The following GALNT16 variants were observed in gnomAD, a reference collection of about 807,000 sequenced individuals.
GALNT16 encodes the protein UDP-GalNAc:polypeptide N-acetylgalactosaminyltransferase-like protein 1.
Under a neutral mutation model 76.1 loss-of-function variants are expected in GALNT16, and 40 were observed. The ratio of observed to expected loss-of-function variants is 0.53; its 90% CI spans 0.41 to 0.68. GALNT16 has a LOEUF of 0.68. GALNT16 is among the 30% of genes least tolerant of loss of function. The pLI, the probability that GALNT16 is intolerant of heterozygous loss-of-function variation, is 0.00. For synonymous variants in GALNT16, 276 were observed against 285.2 expected, an observed-to-expected ratio of 0.97 and a Z score of 0.32; for missense variants, 621 against 731.9, an observed-to-expected ratio of 0.85 and a Z score of 1.75.
chr14:69,359,844 G>A (rs2045713486), downstream of GALNT16, among the ~76,000 whole-genome samples: 1 of 151,854 alleles, frequency 6.6e-6, no homozygotes, highest in African/African-American at 2.4e-5. Context: ...GGCTAATGTG[G>A]TGAAACCCCA....
intron 1 of GALNT16, among the ~76,000 whole-genome samples, chr14:69,306,289 G>GT (rs1396632033): frequency 1.3e-5 from 2 of 152,082 alleles, no homozygotes; most frequent in Non-Finnish European, 2.9e-5. Flanking sequence ...TGGAACTAGG[G>GT]TTTTTTTCCC....
At chr14:69,361,251 GTCC>G (rs978434196), downstream of GALNT16, among the ~76,000 whole-genome samples, 3 of 152,108 alleles carry the variant, frequency 2.0e-5, no homozygotes, top group Non-Finnish European at 4.4e-5. Flanking sequence ...TTTATAACTG[GTCC>G]TGTCAGTCAC....
At chr14:69,300,046 G>T (rs1334319936) in intron 1 of GALNT16, among the ~76,000 whole-genome samples, 2 of 152,222 alleles carry the variant, frequency 1.3e-5, no homozygotes, top group African/African-American at 4.8e-5. Flanking sequence ...CTTTTAGCAC[G>T]TGTGTGCACA....
chr14:69,332,141 T>C (rs2045359194), intron 7 of GALNT16, among the ~76,000 whole-genome samples: 1 of 152,268 alleles, frequency 6.6e-6, no homozygotes, highest in African/African-American at 2.4e-5. Context: ...ATTTTTTGTA[T>C]TGATTACATG....
Position 69,326,789 on chromosome 14 carries a change from C to T in GALNT16, c.568+762C>T, listed in dbSNP as rs148724005. The stretch of plus-strand genomic sequence containing the variant: ...CTACTTTCAGTCCTTGTACTCAGCC[C>T]ACTGTGCCTGTTGTACAGACAAGGG... On this transcript the variant is annotated intron_variant, in intron 5 of 14. Coordinates refer to ENST00000448469, the MANE Select transcript of GALNT16 (RefSeq NM_001168368.2). 2.7e-3 allele frequency among the ~76,000 whole-genome samples: 411 copies of T among 152,336 alleles called. 2 individuals carry two copies. The highest frequency in any genetic ancestry group is 9.3e-3 in the African/African-American group (387 of 41,574).
chr14:69,346,705 C>T (rs560322264), intron 12 of GALNT16, among the ~76,000 whole-genome samples: 1 of 152,304 alleles, frequency 6.6e-6, no homozygotes, highest in African/African-American at 2.4e-5. Flanking sequence ...TGCATTTTGG[C>T]CCCAGGCTCT....
chr14:69,263,859 T>C (rs561259369), intron 1 of GALNT16, among the ~76,000 whole-genome samples: 4 of 152,342 alleles, frequency 2.6e-5, no homozygotes, highest in African/African-American at 7.2e-5. Flanking sequence ...CTGCTTACGA[T>C]GCGGCAAGGT....
At chr14:69,346,360 A>G (rs554798577) in intron 12 of GALNT16, among the ~76,000 whole-genome samples, 1 of 152,252 alleles carries the variant, frequency 6.6e-6, no homozygotes, top group South Asian at 2.1e-4. Context: ...TTTGTAGGAT[A>G]TGTTCCTACA....
Position 69,296,751 on chromosome 14 carries a change from TAGATAGATAGATAGATAGAC to T in GALNT16, c.178-23951_178-23932del, listed in dbSNP as rs1566869226. 1.3e-3 allele frequency among the ~76,000 whole-genome samples: 196 copies of T among 151,096 alleles called. 3 individuals carry two copies. The East Asian group carries it at 0.02, about 15-fold the overall frequency. Reference sequence around the variant, plus strand: ...GATGATAGATAGATAGATAGATAGATAGATAGATAGATAGATAGACAGATAGATGATAGAGATAGACAGAC... The same window carrying T: ...GATGATAGATAGATAGATAGATAGATAGATAGATGATAGAGATAGACAGAC... On this transcript the variant is annotated intron_variant, in intron 1 of 14. Coordinates refer to ENST00000448469, the MANE Select transcript of GALNT16 (RefSeq NM_001168368.2).
chr14:69,342,053 G>A (rs541362719), intron 12 of GALNT16, among the ~76,000 whole-genome samples: 3 of 152,264 alleles, frequency 2.0e-5, no homozygotes, highest in South Asian at 2.1e-4. Flanking sequence ...AGAGACATTC[G>A]TCCCCTTTAG....
rs556296517 is a variant in GALNT16, at chr14:69,268,570, T to C, written c.177+8103T>C. Among the ~76,000 whole-genome samples, 5 of 152,320 alleles carry C rather than the reference T, an allele frequency of 3.3e-5. No individual in the cohort carries two copies. The East Asian group carries it at 7.7e-4, about 24-fold the overall frequency. On this transcript the variant is annotated intron_variant, in intron 1 of 14. Transcript: ENST00000448469. Reference sequence around the variant, plus strand: ...CTGAAGGCAGCATCTATTCATTCTCTTGACAATTATTTACTGAGCATGTAC... The same window carrying C: ...CTGAAGGCAGCATCTATTCATTCTCCTGACAATTATTTACTGAGCATGTAC...
At chr14:69,354,735 T>C (rs1432348872), downstream of GALNT16, 1 of 152,272 alleles carries the variant, frequency 6.6e-6, no homozygotes, top group Non-Finnish European at 1.5e-5. Flanking sequence ...ACAGGTCAGG[T>C]GGAGCCCAGG....
At chr14:69,308,299 A>T (rs72625680) in intron 1 of GALNT16, among the ~76,000 whole-genome samples, 9,930 of 151,446 alleles carry the variant, frequency 0.066, 616 homozygotes, top group East Asian at 0.32. Context: ...TTATTTATAT[A>T]AAAAAACCTG....
the GALNT16 span, among the ~76,000 whole-genome samples, chr14:69,376,083 C>A: frequency 5.8e-4 from 88 of 151,584 alleles, no homozygotes; most frequent in African/African-American, 2.1e-3. Flanking sequence ...GCTATCCAGG[C>A]TGGAGTACAG....
At chr14:69,382,230 A>C in the GALNT16 span, among the ~76,000 whole-genome samples, 1 of 152,150 alleles carries the variant, frequency 6.6e-6, no homozygotes, top group Non-Finnish European at 1.5e-5. Flanking sequence ...TGGTTTATTA[A>C]AAATGTACAA....
chr14:69,265,460 AT>A (rs2044331123), intron 1 of GALNT16, among the ~76,000 whole-genome samples: 1 of 152,156 alleles, frequency 6.6e-6, no homozygotes, highest in South Asian at 2.1e-4. Flanking sequence ...TGGAAATGCC[AT>A]TTAAGGTAGA....
chr14:69,371,536 G>A, the GALNT16 span, among the ~76,000 whole-genome samples: 2 of 151,882 alleles, frequency 1.3e-5, no homozygotes, highest in Non-Finnish European at 2.9e-5. Flanking sequence ...GATTACAGGC[G>A]TTAGCCACCA....
chr14:69,264,167 A>T (rs1376603301), intron 1 of GALNT16, among the ~76,000 whole-genome samples: 1 of 152,194 alleles, frequency 6.6e-6, no homozygotes, highest in Non-Finnish European at 1.5e-5. Context: ...GTATAGGTGC[A>T]CTCATTTGTG....
rs1401231509 is a variant in GALNT16 at position 69,320,563 on chromosome 14, G to C, written c.178-148G>C. The C allele has an allele frequency of 2.8e-5, 18 of 635,760 alleles. No individual in the cohort carries two copies. The South Asian group carries it at 3.4e-4, about 12-fold the overall frequency. The allele number at this position is 635,760 out of a possible 1,614,324, so 39.4% of individuals were successfully genotyped here. A position where few individuals can be genotyped will look rare whatever the true frequency, so the allele number is the denominator to read the frequency against. ...GCCTCAGTTTTCTCTTCTGTACAGTGGGGGAGATAATGGTCTCCTCCTCAT... is the reference window on the plus strand; with the variant it reads ...GCCTCAGTTTTCTCTTCTGTACAGTCGGGGAGATAATGGTCTCCTCCTCAT... On this transcript the variant is annotated intron_variant, in intron 1 of 14. Transcript: ENST00000448469.
Sources: allele counts gnomAD v4.1 joint callset (sites outside exome capture counted in the v4.1 genomes callset), GRCh38; gene constraint gnomAD v4.1.1; transcripts MANE v1.5; gene names NCBI Gene and HGNC (gene_info 2026-07-23, HGNC 2026-07-21).